The following CD48 variants were observed in gnomAD, a reference collection of about 807,000 sequenced individuals.
CD48 encodes CD48 molecule.
Under a neutral mutation model 22.0 loss-of-function variants are expected in CD48, and 20 were observed. The ratio of observed to expected loss-of-function variants is 0.91; its 90% CI spans 0.64 to 1.32. CD48 has a LOEUF of 1.32. Among genes scored for constraint, CD48 ranks in the 40% most tolerant of loss-of-function variants. CD48 has a pLI of 0.00. For synonymous variants in CD48, 110 were observed against 110.1 expected, an observed-to-expected ratio of 1.00 and a Z score of 0.01; for missense variants, 307 against 286.5, an observed-to-expected ratio of 1.07 and a Z score of -0.52.
chr1:160,699,740 T>C (rs565034386), intron 1 of CD48: 3 of 152,082 alleles, frequency 2.0e-5, no homozygotes, highest in East Asian at 1.9e-4. Context: ...TTGTCTATGA[T>C]GCAAAGACCT....
At chr1:160,682,121 T>A (rs961808596) in intron 2 of CD48, among the ~76,000 whole-genome samples, 3 of 151,946 alleles carry the variant, frequency 2.0e-5, no homozygotes, top group Admixed American at 6.6e-5. Flanking sequence ...AAGTATCTCA[T>A]GAAAGGATGA....
intron 3 of CD48, chr1:160,680,593 A>G: frequency 1.0e-6 from 1 of 1,000,040 alleles, no homozygotes; most frequent in Non-Finnish European, 1.2e-6. Flanking sequence ...ATCTAGAGCC[A>G]GGTGTGACAC....
At chr1:160,694,339 A>G (rs1343252412) in intron 1 of CD48, among the ~76,000 whole-genome samples, 1 of 152,178 alleles carries the variant, frequency 6.6e-6, no homozygotes, top group African/African-American at 2.4e-5. Flanking sequence ...CCGTTATTCA[A>G]GGAAAACAGC....
intron 1 of CD48, among the ~76,000 whole-genome samples, chr1:160,701,910 A>G (rs569567): frequency 0.79 from 119,739 of 152,052 alleles, 47,398 homozygotes; most frequent in Middle Eastern, 0.84. Flanking sequence ...AATGTGTATG[A>G]TGCAGGTGGG....
intron 1 of CD48, among the ~76,000 whole-genome samples, chr1:160,687,656 A>G (rs1288430904): frequency 6.6e-6 from 1 of 152,194 alleles, no homozygotes; most frequent in Non-Finnish European, 1.5e-5. Context: ...TAAATGTGCC[A>G]TGGCAATGAA....
chr1:160,711,690 C>T lies in CD48; in HGVS notation c.74G>A (p.Ser25Asn). Residue 25 changes from serine to asparagine, a missense_variant, in exon 1 of 4, where the codon AGC becomes AAC. Transcript: ENST00000368046. ...LLLPLSLLVT[S>N]IQGHLVHMTV... ...CAGTTGGTGGAAAGTACCTTGAATGCTGGTCACCAGGAGTGACAGAGGCAG... is the reference window on the plus strand; with the variant it reads ...CAGTTGGTGGAAAGTACCTTGAATGTTGGTCACCAGGAGTGACAGAGGCAG... 6.2e-7 allele frequency: 1 copy of T among 1,609,896 alleles called. No homozygotes were observed. Among genetic ancestry groups the T allele is most frequent in the Non-Finnish European group, 8.5e-7 (1 of 1,176,192 alleles).
At chr1:160,700,562 GA>G (rs1662595171) in intron 1 of CD48, among the ~76,000 whole-genome samples, 1 of 152,138 alleles carries the variant, frequency 6.6e-6, no homozygotes, top group Non-Finnish European at 1.5e-5. Flanking sequence ...TGAAAAGGCT[GA>G]AATGGCTGTA....
intron 2 of CD48, among the ~76,000 whole-genome samples, chr1:160,681,898 G>A (rs1459556196): frequency 6.6e-6 from 1 of 152,168 alleles, no homozygotes. Flanking sequence ...TTCAGCTTCA[G>A]CAAGAGTCCT....
intron 1 of CD48, among the ~76,000 whole-genome samples, chr1:160,703,410 G>C (rs1183047173): frequency 6.6e-6 from 1 of 152,172 alleles, no homozygotes; most frequent in Non-Finnish European, 1.5e-5. Context: ...GACCGGTTTA[G>C]GACCCGAAAC....
In CD48 at chr1:160,685,710, C is replaced by T. The variant is rs149451074; in HGVS notation, c.83-521G>A. Among the ~76,000 whole-genome samples the T allele has an allele frequency of 1.2e-3, 190 of 152,156 alleles. 2 individuals are homozygous for T. Among genetic ancestry groups the T allele is most frequent in the African/African-American group, 3.3e-3 (139 of 41,512 alleles). On this transcript the variant is annotated intron_variant, in intron 1 of 3. Coordinates refer to ENST00000368046, the MANE Select transcript of CD48 (RefSeq NM_001778.4). ...ATCTTGATGACTATAATAAAGGTAA[C>T]GTGGGGACCAAGGGAAAGCTTCCCC...
At chr1:160,681,128 AC>A (rs142100077) in intron 3 of CD48, 73 bp downstream of exon 3, 56,272 of 1,610,016 alleles carry the variant, frequency 0.035, 1,479 homozygotes, top group East Asian at 0.13. Flanking sequence ...GCTGAATAGG[AC>A]CCCCAGCCTT....
chr1:160,682,956 C>A (rs1191604772), intron 2 of CD48, among the ~76,000 whole-genome samples: 1 of 152,132 alleles, frequency 6.6e-6, no homozygotes, highest in Non-Finnish European at 1.5e-5. Context: ...GAGAATTGAC[C>A]AGATCAGAGC....
At chr1:160,683,932 A>T (rs1238597215) in intron 2 of CD48, 1 of 152,146 alleles carries the variant, frequency 6.6e-6, no homozygotes, top group Non-Finnish European at 1.5e-5. Flanking sequence ...CTGCCCTATA[A>T]TCTGATCCTT....
chr1:160,705,116 A>C lies in CD48; in HGVS notation c.82+6566T>G, dbSNP rs190133963. ...TTCCACATATCCATCATTTCCAAAA[A>C]CATTCTCAACCACTAAAAGATAAAA... On this transcript the variant is annotated intron_variant, in intron 1 of 3. Coordinates refer to ENST00000368046, the MANE Select transcript of CD48 (RefSeq NM_001778.4). 5.1e-3 allele frequency among the ~76,000 whole-genome samples: 772 copies of C among 152,336 alleles called. 8 individuals carry two copies. The highest frequency in any genetic ancestry group is 7.9e-3 in the Non-Finnish European group (534 of 68,018).
At chr1:160,705,515 T>C (rs1662760409) in intron 1 of CD48, among the ~76,000 whole-genome samples, 1 of 152,206 alleles carries the variant, frequency 6.6e-6, no homozygotes, top group Non-Finnish European at 1.5e-5. Flanking sequence ...TTTTGTAAAA[T>C]GGATTACATG....
At chr1:160,705,388 C>G (rs1398911121) in intron 1 of CD48, among the ~76,000 whole-genome samples, 1 of 152,196 alleles carries the variant, frequency 6.6e-6, no homozygotes, top group East Asian at 1.9e-4. Flanking sequence ...TTTCTACTTC[C>G]CCTTGGCCAG....
At chr1:160,691,047 C>A (rs1442787874) in intron 1 of CD48, among the ~76,000 whole-genome samples, 1 of 152,184 alleles carries the variant, frequency 6.6e-6, no homozygotes, top group African/African-American at 2.4e-5. Flanking sequence ...TCACCACTCC[C>A]TAATCTCAAG....
chr1:160,690,637 T>C (rs1003593032), intron 1 of CD48, among the ~76,000 whole-genome samples: 2 of 152,178 alleles, frequency 1.3e-5, no homozygotes, highest in African/African-American at 4.8e-5. Flanking sequence ...TGAGACCTAA[T>C]ATGTGTAATA....
intron 1 of CD48, among the ~76,000 whole-genome samples, chr1:160,702,882 T>C (rs570977768): frequency 1.6e-3 from 243 of 152,272 alleles, no homozygotes; most frequent in African/African-American, 5.5e-3. Context: ...AGCTAACATA[T>C]AAAGGAGAAT....
Sources: gnomAD v4.1 joint callset for allele counts (sites outside exome capture counted in the v4.1 genomes callset) on GRCh38, gnomAD v4.1.1 for gene constraint, MANE v1.5 for transcripts, NCBI Gene and HGNC (gene_info 2026-07-23, HGNC 2026-07-21) for gene names.